Variants in SQOR observed in about 807,000 individuals in gnomAD.
SQOR encodes sulfide:quinone oxidoreductase, mitochondrial.
Under a neutral mutation model 48.6 loss-of-function variants are expected in SQOR, and 39 were observed. The ratio of observed to expected loss-of-function variants is 0.80; its 90% CI spans 0.62 to 1.05. The LOEUF is 1.05. Among genes scored for constraint, SQOR ranks in the 50% least tolerant of loss-of-function variants. The pLI is 0.00. For missense variants in SQOR, 561 were observed against 559.9 expected, an observed-to-expected ratio of 1.00 and a Z score of -0.02; for synonymous variants, 220 against 206.2, an observed-to-expected ratio of 1.07 and a Z score of -0.57.
chr15:45,689,705 C>A (rs1432784299), intron 9 of SQOR, among the ~76,000 whole-genome samples: 1 of 152,122 alleles, frequency 6.6e-6, no homozygotes, highest in Non-Finnish European at 1.5e-5. Flanking sequence ...CAGGCATGAG[C>A]CACCGCTCCT....
At chr15:45,643,534 G>A (rs1418068603) in intron 1 of SQOR, among the ~76,000 whole-genome samples, 1 of 152,142 alleles carries the variant, frequency 6.6e-6, no homozygotes, top group Non-Finnish European at 1.5e-5. Context: ...GTGACCATGC[G>A]AATTTCATGT....
intron 1 of SQOR, among the ~76,000 whole-genome samples, chr15:45,642,403 C>T (rs558152223): frequency 2.4e-4 from 37 of 152,240 alleles, no homozygotes; most frequent in African/African-American, 4.1e-4. Context: ...TATTTTTTGT[C>T]GAGATCTCCA....
intron 8 of SQOR, 25 bp downstream of exon 8, chr15:45,688,429 T>C: frequency 6.6e-7 from 1 of 1,507,508 alleles, no homozygotes; most frequent in African/African-American, 1.4e-5. Flanking sequence ...TAAGAATCAC[T>C]GTCTCAATGA....
chr15:45,637,414 C>G (rs551198910), intron 1 of SQOR, among the ~76,000 whole-genome samples: 1 of 152,270 alleles, frequency 6.6e-6, no homozygotes, highest in African/African-American at 2.4e-5. Context: ...TTATTTGTAT[C>G]CCTCCCAAGC....
chr15:45,647,611 C>T (rs968174084), intron 1 of SQOR, among the ~76,000 whole-genome samples: 2 of 149,182 alleles, frequency 1.3e-5, no homozygotes, highest in Non-Finnish European at 3.0e-5. Context: ...ATTTTATTTT[C>T]ATTCAAATTT....
Position 45,643,475 on chromosome 15 carries a change from G to T in SQOR, c.-18+8367G>T, listed in dbSNP as rs955931929. The stretch of plus-strand genomic sequence containing the variant: ...CTCCCAAAGTGTTGGGATTACAGGC[G>T]TGAGCCACCATGCCTGGCCTGGAAA... On this transcript the variant is annotated intron_variant, in intron 1 of 9. Transcript: ENST00000260324. Among the ~76,000 whole-genome samples the T allele has an allele frequency of 4.6e-5, 7 of 152,168 alleles. No individual in the cohort carries two copies. The East Asian group carries it at 1.3e-3, about 29-fold the overall frequency.
At chr15:45,672,808 C>T (rs1889968019) in intron 4 of SQOR, among the ~76,000 whole-genome samples, 1 of 152,236 alleles carries the variant, frequency 6.6e-6, no homozygotes, top group Non-Finnish European at 1.5e-5. Flanking sequence ...CATGCATGGC[C>T]TCATTTGCTT....
chr15:45,651,729 A>T (rs975367633), intron 1 of SQOR, among the ~76,000 whole-genome samples: 2 of 151,980 alleles, frequency 1.3e-5, no homozygotes, highest in Non-Finnish European at 2.9e-5. Flanking sequence ...TGGGCCTCCC[A>T]AAGTGCTAGG....
intron 7 of SQOR, 113 bp downstream of exon 7, chr15:45,682,774 TC>T (rs1277184189): frequency 3.9e-6 from 5 of 1,270,128 alleles, no homozygotes; most frequent in Admixed American, 4.4e-5. Context: ...CTGCCTGTAA[TC>T]CCAGCACTTT....
At chr15:45,638,524 G>A (rs2470114) in intron 1 of SQOR, among the ~76,000 whole-genome samples, 40,809 of 151,888 alleles carry the variant, frequency 0.27, 6,773 homozygotes, top group East Asian at 0.64. Context: ...GGAGTTTGAG[G>A]CCAGCCTGGC....
At chr15:45,648,678 T>G (rs1889396567) in intron 1 of SQOR, among the ~76,000 whole-genome samples, 1 of 152,164 alleles carries the variant, frequency 6.6e-6, no homozygotes, top group Non-Finnish European at 1.5e-5. Flanking sequence ...GGTGTAAGCC[T>G]GACCTGTGCC....
intron 1 of SQOR, among the ~76,000 whole-genome samples, chr15:45,651,938 G>C (rs992241214): frequency 6.6e-6 from 1 of 151,520 alleles, no homozygotes; most frequent in Non-Finnish European, 1.5e-5. Context: ...GCCCAGGCTG[G>C]AGTGCAGTGG....
At chr15:45,668,325 C>T (rs1378726524) in intron 3 of SQOR, among the ~76,000 whole-genome samples, 2 of 152,216 alleles carry the variant, frequency 1.3e-5, no homozygotes, top group African/African-American at 4.8e-5. Flanking sequence ...TTGTACTTTT[C>T]ACAAGCAACT....
At chr15:45,654,717 G>T (rs1225712211) in intron 1 of SQOR, among the ~76,000 whole-genome samples, 1 of 151,880 alleles carries the variant, frequency 6.6e-6, no homozygotes, top group African/African-American at 2.4e-5. Context: ...ATAGACAGGA[G>T]AAAAGAGAAA....
At chr15:45,654,115 CAAAA>C (rs60006729) in intron 1 of SQOR, among the ~76,000 whole-genome samples, 5 of 107,896 alleles carry the variant, frequency 4.6e-5, no homozygotes, top group African/African-American at 3.6e-5. Context: ...GAGTGAGACT[CAAAA>C]AAAAAAAAAA....
chr15:45,655,821 C>G (rs1402329748), intron 1 of SQOR, among the ~76,000 whole-genome samples: 1 of 151,750 alleles, frequency 6.6e-6, no homozygotes, highest in Non-Finnish European at 1.5e-5. Context: ...GTAGCTGGGA[C>G]TACAGGTGTA....
At chr15:45,677,558 A>G (rs1890058703) in intron 6 of SQOR, among the ~76,000 whole-genome samples, 4 of 152,126 alleles carry the variant, frequency 2.6e-5, no homozygotes. Flanking sequence ...TGATGTTTCT[A>G]TAGCTTTTCT....
At chr15:45,648,406 G>C (rs1253596828) in intron 1 of SQOR, among the ~76,000 whole-genome samples, 1 of 152,168 alleles carries the variant, frequency 6.6e-6, no homozygotes, top group African/African-American at 2.4e-5. Context: ...TCCATCTCCT[G>C]ACCTCGTGAT....
At chr15:45,636,406 CTT>C (rs57826307) in intron 1 of SQOR, among the ~76,000 whole-genome samples, 31 of 136,550 alleles carry the variant, frequency 2.3e-4, no homozygotes, top group East Asian at 4.4e-4. Context: ...TTTCTTTCTT[CTT>C]TTTTTTTTTT....
Sources: gnomAD v4.1 joint callset for allele counts (sites outside exome capture counted in the v4.1 genomes callset) on GRCh38, gnomAD v4.1.1 for gene constraint, MANE v1.5 for transcripts, NCBI Gene and HGNC (gene_info 2026-07-23, HGNC 2026-07-21) for gene names.